Variants in NRXN1 observed in about 807,000 individuals in gnomAD.
NRXN1 encodes neurexin-1.
NRXN1 carries 39 observed loss-of-function variants against 150.9 expected under a neutral mutation model. That is an observed-to-expected ratio of 0.26 (90% CI 0.20 to 0.34). NRXN1 has a LOEUF of 0.34. Ranked by LOEUF, NRXN1 falls within the 10% of genes least tolerant of loss-of-function variation. NRXN1 has a pLI of 1.00. For synonymous variants in NRXN1, 924 were observed against 757.0 expected (o/e 1.22, Z -3.62); for missense variants, 1,815 against 1,949.9 (o/e 0.93, Z 1.30).
At chr2:50,218,337 A>C in intron 18 of NRXN1, among the ~76,000 whole-genome samples, 1 of 131,958 alleles carries the variant, frequency 7.6e-6, no homozygotes, top group South Asian at 2.2e-4. Context: ...ATTGGGTGAC[A>C]GTTAGCTCCC....
At chr2:50,629,219 A>C in intron 5 of NRXN1, among the ~76,000 whole-genome samples, 1 of 151,762 alleles carries the variant, frequency 6.6e-6, no homozygotes, top group East Asian at 1.9e-4. Context: ...ACACTACTGA[A>C]ATAACAACCA....
intron 5 of NRXN1, among the ~76,000 whole-genome samples, chr2:50,635,620 A>G (rs1683125782): frequency 1.3e-5 from 2 of 152,170 alleles, no homozygotes; most frequent in South Asian, 4.1e-4. Context: ...TTCCCAGCAT[A>G]CACAGGCTCT....
At chr2:50,672,958 C>A (rs1284397401) in intron 5 of NRXN1, among the ~76,000 whole-genome samples, 1 of 151,974 alleles carries the variant, frequency 6.6e-6, no homozygotes, top group Non-Finnish European at 1.5e-5. Context: ...GTTATTCAAC[C>A]ATCATTTTGT....
intron 18 of NRXN1, among the ~76,000 whole-genome samples, chr2:50,098,948 C>A (rs1700651488): frequency 7.6e-6 from 1 of 131,784 alleles, no homozygotes; most frequent in Non-Finnish European, 1.6e-5. Context: ...GTGGGCAATA[C>A]CACCTCAGAA....
intron 21 of NRXN1, among the ~76,000 whole-genome samples, chr2:50,011,215 G>T: frequency 6.6e-6 from 1 of 152,104 alleles, no homozygotes; most frequent in African/African-American, 2.4e-5. Context: ...AATCTCTGCA[G>T]TCACTAAGCA....
At chr2:50,492,218 T>C (rs1297197685) in intron 15 of NRXN1, among the ~76,000 whole-genome samples, 1 of 152,198 alleles carries the variant, frequency 6.6e-6, no homozygotes, top group Non-Finnish European at 1.5e-5. Flanking sequence ...TCATTGCATG[T>C]TGCTGCTTGT....
intron 12 of NRXN1, among the ~76,000 whole-genome samples, chr2:50,524,021 TG>T (rs1174245973): frequency 6.6e-6 from 1 of 152,080 alleles, no homozygotes; most frequent in African/African-American, 2.4e-5. Flanking sequence ...GAAACAATAC[TG>T]GAAATGAAGA....
chr2:50,877,416 C>T (rs1045019940), intron 5 of NRXN1, among the ~76,000 whole-genome samples: 1 of 151,878 alleles, frequency 6.6e-6, no homozygotes, highest in Non-Finnish European at 1.5e-5. Flanking sequence ...TCTACTTTAG[C>T]AGCTGAGACT....
chr2:50,212,573 T>G (rs1240422032), intron 18 of NRXN1, among the ~76,000 whole-genome samples: 1 of 151,908 alleles, frequency 6.6e-6, no homozygotes, highest in Non-Finnish European at 1.5e-5. Flanking sequence ...GTCATTTATA[T>G]GTTTATTTAA....
chr2:50,312,087 T>A (rs1312759541), intron 17 of NRXN1, among the ~76,000 whole-genome samples: 1 of 152,158 alleles, frequency 6.6e-6, no homozygotes, highest in Non-Finnish European at 1.5e-5. Context: ...TATTCACTAA[T>A]CTGTAAATTT....
chr2:50,986,787 T>C (rs1298827964), intron 2 of NRXN1, among the ~76,000 whole-genome samples: 1 of 151,462 alleles, frequency 6.6e-6, no homozygotes, highest in Non-Finnish European at 1.5e-5. Flanking sequence ...ATCCAAAACA[T>C]AGGAATGGAA....
intron 17 of NRXN1, among the ~76,000 whole-genome samples, chr2:50,287,550 A>T (rs1055176318): frequency 6.6e-6 from 1 of 152,166 alleles, no homozygotes; most frequent in African/African-American, 2.4e-5. Flanking sequence ...TAAGATGGAA[A>T]GTGCAACAGA....
chr2:50,334,209 A>ATATATATATATATATATATATATGTATG (rs760530144), intron 17 of NRXN1, among the ~76,000 whole-genome samples: 16 of 121,476 alleles, frequency 1.3e-4, no homozygotes, highest in African/African-American at 6.6e-4. Context: ...ATATATATAT[A>ATATATATATATATATATATATATGTATG]TATGTATGTA....
At chr2:50,343,086 C>T (rs938364904) in intron 17 of NRXN1, among the ~76,000 whole-genome samples, 2 of 152,236 alleles carry the variant, frequency 1.3e-5, no homozygotes, top group African/African-American at 2.4e-5. Context: ...GTTAACACTT[C>T]CTTCTGGGAA....
chr2:50,975,699 A>G (rs1332320543), intron 2 of NRXN1, among the ~76,000 whole-genome samples: 1 of 151,926 alleles, frequency 6.6e-6, no homozygotes, highest in East Asian at 1.9e-4. Context: ...TCTTTTTTGG[A>G]ACTGACCCTT....
At chr2:49,944,693 C>A (rs898847235) in intron 21 of NRXN1, among the ~76,000 whole-genome samples, 18 of 152,126 alleles carry the variant, frequency 1.2e-4, no homozygotes, top group African/African-American at 4.3e-4. Flanking sequence ...GTAAAGGCTT[C>A]CATCAGAGTT....
intron 17 of NRXN1, among the ~76,000 whole-genome samples, chr2:50,319,344 C>G (rs2075845917): frequency 6.6e-6 from 1 of 152,122 alleles, no homozygotes; most frequent in Non-Finnish European, 1.5e-5. Context: ...TAAAGTTACA[C>G]TGGCTGATAC....
intron 8 of NRXN1, among the ~76,000 whole-genome samples, chr2:50,592,235 C>G (rs1313748228): frequency 1.3e-5 from 2 of 152,210 alleles, no homozygotes; most frequent in African/African-American, 4.8e-5. Flanking sequence ...AGTTTTACAA[C>G]CAATAATTAT....
rs1005745821 is a variant in NRXN1 at position 50,412,669 on chromosome 2, T to C, written c.3364+52773A>G. 3.9e-5 allele frequency among the ~76,000 whole-genome samples: 6 copies of C among 152,170 alleles called. No homozygotes were observed. The East Asian group carries it at 1.2e-3, about 29-fold the overall frequency. ...GAATTTAATCTTACTGAAATAATTATAAAAAATTAAAGCAATCATACAATA... is the reference window on the plus strand; with the variant it reads ...GAATTTAATCTTACTGAAATAATTACAAAAAATTAAAGCAATCATACAATA... On this transcript the variant is annotated intron_variant, in intron 17 of 22. Coordinates refer to ENST00000401669, the MANE Select transcript of NRXN1 (RefSeq NM_001330078.2).
Sources: gnomAD v4.1 joint callset for allele counts (sites outside exome capture counted in the v4.1 genomes callset) on GRCh38, gnomAD v4.1.1 for gene constraint, MANE v1.5 for transcripts, NCBI Gene and HGNC (gene_info 2026-07-23, HGNC 2026-07-21) for gene names.